SLIT1: variants seen among roughly 807,000 people sequenced by gnomAD.
SLIT1 encodes slit homolog 1 protein.
In SLIT1, 66 loss-of-function variants were observed where a neutral mutation model predicts 186.1. The observed-to-expected ratio is 0.35, with a 90% CI of 0.29 to 0.44. The LOEUF (loss-of-function observed/expected upper bound fraction) is 0.44, where lower values mean the gene tolerates loss of function less well. Among genes scored for constraint, SLIT1 ranks in the 20% least tolerant of loss-of-function variants. The pLI is 1.00. For synonymous variants in SLIT1, 761 were observed against 833.8 expected (o/e 0.91, Z 1.50); for missense variants, 1,638 against 2,037.4 (o/e 0.80, Z 3.77).
chr10:97,069,151 T>G (rs1848979535), intron 4 of SLIT1, among the ~76,000 whole-genome samples: 1 of 152,156 alleles, frequency 6.6e-6, no homozygotes, highest in Non-Finnish European at 1.5e-5. Context: ...AATTACTGGA[T>G]TTAGAGCAGG....
Position 97,064,830 on chromosome 10 carries a change from G to T in SLIT1, c.532C>A (p.Arg178Ser), listed in dbSNP as rs574774188. Residue 178 changes from arginine (R) to serine (S), a missense_variant, in exon 6 of 37, where the codon CGT (arginine) becomes AGT (serine). Transcript: ENST00000266058. ...QISCIEEGAF[R>S]ALRGLEVLTL... ...AGCACCTCCAGCCCCCGCAGAGCAC[G>T]GAAGGCCCCTTCCTCAATGCAGCTG... 4.3e-6 allele frequency: 7 copies of T among 1,612,148 alleles called. No individual in the cohort carries two copies. The South Asian group carries it at 7.7e-5, about 18-fold the overall frequency.
At chr10:97,031,742 C>T (rs1157580125) in intron 23 of SLIT1, 65 bp from the exon 24 acceptor site, 38 of 1,321,776 alleles carry the variant, frequency 2.9e-5, no homozygotes, top group Admixed American at 1.0e-4. Context: ...GCACAGCCGC[C>T]GCCCAGGACG....
intron 4 of SLIT1, among the ~76,000 whole-genome samples, chr10:97,118,832 A>G (rs907172190): frequency 3.3e-5 from 5 of 152,230 alleles, no homozygotes; most frequent in African/African-American, 1.2e-4. Flanking sequence ...TGGGGATTAA[A>G]TGAGACAGTA....
chr10:97,151,465 G>A (rs975344688), intron 4 of SLIT1, among the ~76,000 whole-genome samples: 2 of 151,782 alleles, frequency 1.3e-5, no homozygotes, highest in Non-Finnish European at 2.9e-5. Flanking sequence ...GGGATGGAGG[G>A]ATGGGTCAGG....
intron 1 of SLIT1, among the ~76,000 whole-genome samples, chr10:97,167,326 A>G (rs1242716225): frequency 6.6e-6 from 1 of 152,184 alleles, no homozygotes; most frequent in Middle Eastern, 3.2e-3. Flanking sequence ...GAATGTCATC[A>G]TGAAGCCCTT....
chr10:97,155,673 T>C (rs1479517872), intron 4 of SLIT1, among the ~76,000 whole-genome samples: 1 of 151,862 alleles, frequency 6.6e-6, no homozygotes, highest in African/African-American at 2.4e-5. Context: ...CCCAGCAAGG[T>C]AGAGGGCAAC....
At chr10:97,179,795 CA>C (rs1850306839) in intron 1 of SLIT1, among the ~76,000 whole-genome samples, 1 of 122,636 alleles carries the variant, frequency 8.2e-6, no homozygotes. Context: ...CAATTCTCCA[CA>C]CCCTCCCCGC....
At chr10:97,070,949 AGCTGGGACTACAGATGC>A (rs1412719584) in intron 4 of SLIT1, among the ~76,000 whole-genome samples, 12 of 152,122 alleles carry the variant, frequency 7.9e-5, no homozygotes, top group Non-Finnish European at 1.6e-4. Flanking sequence ...CCTTCTGAGT[AGCTGGGACTACAGATGC>A]GCTGGGACTA....
chr10:97,030,620 G>C (rs1040027801), intron 25 of SLIT1, 137 bp downstream of exon 25: 22 of 693,092 alleles, frequency 3.2e-5, no homozygotes, highest in Non-Finnish European at 5.0e-5. Flanking sequence ...GTCCCAGAAG[G>C]TGCACGTGGG....
intron 13 of SLIT1, among the ~76,000 whole-genome samples, chr10:97,053,533 C>T (rs2134631317): frequency 6.6e-6 from 1 of 152,270 alleles, no homozygotes; most frequent in African/African-American, 2.4e-5. Context: ...GAACCTATCC[C>T]AATACCCCAT....
intron 28 of SLIT1, among the ~76,000 whole-genome samples, chr10:97,018,203 T>C (rs534250397): frequency 8.5e-5 from 13 of 152,228 alleles, no homozygotes; most frequent in African/African-American, 2.9e-4. Flanking sequence ...GGCACTGCAC[T>C]GTATATGCTT....
chr10:97,082,798 T>C (rs190916773), intron 4 of SLIT1, among the ~76,000 whole-genome samples: 22 of 152,308 alleles, frequency 1.4e-4, no homozygotes, highest in African/African-American at 3.4e-4. Flanking sequence ...GGGACGTTAA[T>C]AGTCAGAGAG....
chr10:97,063,348 A>T, intron 8 of SLIT1, 107 bp downstream of exon 8: 1 of 1,242,926 alleles, frequency 8.0e-7, no homozygotes, highest in Non-Finnish European at 1.2e-6. Context: ...GGGCGGGGTC[A>T]GGAGGTGATG....
intron 35 of SLIT1, 150 bp from the exon 36 acceptor site, chr10:97,002,519 T>A (rs930115223): frequency 1.4e-6 from 1 of 739,332 alleles, no homozygotes. Context: ...GGGAGTTGCA[T>A]GCGACTATGT....
chr10:97,104,576 T>A lies in SLIT1; in HGVS notation c.414-38490A>T, dbSNP rs1849393921. ...AACCCTTCAATAACACCCCTCTGCCTACTGACACATCCCAGACCCTTCACT... is the reference window on the plus strand; with the variant it reads ...AACCCTTCAATAACACCCCTCTGCCAACTGACACATCCCAGACCCTTCACT... On this transcript the variant is annotated intron_variant, in intron 4 of 36. Coordinates refer to ENST00000266058, the MANE Select transcript of SLIT1 (RefSeq NM_003061.3). Among the ~76,000 whole-genome samples the A allele has an allele frequency of 2.0e-5, 3 of 152,046 alleles. No individual in the cohort carries two copies. The South Asian group carries it at 6.2e-4, about 32-fold the overall frequency.
chr10:97,072,385 A>T (rs1468966947), intron 4 of SLIT1, among the ~76,000 whole-genome samples: 1 of 152,138 alleles, frequency 6.6e-6, no homozygotes, highest in Non-Finnish European at 1.5e-5. Flanking sequence ...GCTGGTCTCA[A>T]ACTCCTGGGT....
At chr10:97,167,597 T>TGTG (rs1850137043) in intron 1 of SLIT1, among the ~76,000 whole-genome samples, 1 of 152,218 alleles carries the variant, frequency 6.6e-6, no homozygotes, top group South Asian at 2.1e-4. Context: ...CAACAAAAGT[T>TGTG]GTGCATAACA....
At chr10:97,014,934 C>T (rs1221142624) in intron 28 of SLIT1, among the ~76,000 whole-genome samples, 1 of 151,702 alleles carries the variant, frequency 6.6e-6, no homozygotes, top group East Asian at 1.9e-4. Context: ...CCCTGCCCAT[C>T]CACACAGTCC....
intron 23 of SLIT1, among the ~76,000 whole-genome samples, chr10:97,031,950 C>T (rs772037941): frequency 3.3e-5 from 5 of 152,210 alleles, no homozygotes; most frequent in East Asian, 1.9e-4. Context: ...GTCCTGGGGA[C>T]GAAATCCAGG....
Sources: allele counts gnomAD v4.1 joint callset (sites outside exome capture counted in the v4.1 genomes callset), GRCh38; gene constraint gnomAD v4.1.1; transcripts MANE v1.5; gene names NCBI Gene and HGNC (gene_info 2026-07-23, HGNC 2026-07-21).